Variants in EVA1C observed in about 807,000 individuals in gnomAD.
EVA1C encodes eva-1 homolog C.
Under a neutral mutation model 45.4 loss-of-function variants are expected in EVA1C, and 25 were observed. That is an observed-to-expected ratio of 0.55 (90% CI 0.40 to 0.77). EVA1C has a LOEUF of 0.77. EVA1C is among the 30% of genes least tolerant of loss of function. EVA1C has a pLI of 0.00. For synonymous variants in EVA1C, 190 were observed against 221.2 expected (o/e 0.86, Z 1.25); for missense variants, 479 against 554.8 (o/e 0.86, Z 1.37).
At chr21:32,502,014 TTCTTTC>T (rs1356221549) in intron 6 of EVA1C, among the ~76,000 whole-genome samples, 1 of 139,712 alleles carries the variant, frequency 7.2e-6, no homozygotes, top group Non-Finnish European at 1.5e-5. Flanking sequence ...CTTTCTTTCT[TTCTTTC>T]TTTCTTTCTT....
chr21:32,477,318 G>A (rs2036603061), intron 4 of EVA1C, among the ~76,000 whole-genome samples: 1 of 152,088 alleles, frequency 6.6e-6, no homozygotes, highest in Non-Finnish European at 1.5e-5. Flanking sequence ...CACCCCCACA[G>A]TTTGAGGATT....
chr21:32,426,409 C>T (rs1052664806), intron 1 of EVA1C, among the ~76,000 whole-genome samples: 6 of 151,810 alleles, frequency 4.0e-5, no homozygotes, highest in African/African-American at 7.3e-5. Flanking sequence ...GAGAAAGTCA[C>T]GAAGATAGTG....
intron 4 of EVA1C, among the ~76,000 whole-genome samples, chr21:32,488,706 C>T (rs1472895880): frequency 2.0e-5 from 3 of 152,096 alleles, no homozygotes; most frequent in Non-Finnish European, 4.4e-5. Context: ...CTGCTTCAGC[C>T]TCCCTAGTAG....
intron 4 of EVA1C, among the ~76,000 whole-genome samples, chr21:32,482,833 G>A (rs2036834889): frequency 6.6e-6 from 1 of 151,166 alleles, no homozygotes; most frequent in Non-Finnish European, 1.5e-5. Context: ...TTTGGGGGTG[G>A]TCACATCCCA....
intron 1 of EVA1C, among the ~76,000 whole-genome samples, chr21:32,446,071 C>A (rs182094870): frequency 6.6e-6 from 1 of 152,020 alleles, no homozygotes; most frequent in South Asian, 2.1e-4. Context: ...TGGTGAAACC[C>A]CGTCTCTACT....
At chr21:32,441,111 G>T (rs539441356) in intron 1 of EVA1C, among the ~76,000 whole-genome samples, 2 of 152,214 alleles carry the variant, frequency 1.3e-5, no homozygotes, top group Admixed American at 6.5e-5. Context: ...TCAAAAAAAA[G>T]AACTCTTCAT....
chr21:32,426,978 T>C (rs1301790900), intron 1 of EVA1C, among the ~76,000 whole-genome samples: 1 of 152,170 alleles, frequency 6.6e-6, no homozygotes, highest in Non-Finnish European at 1.5e-5. Flanking sequence ...AAAGGTCTAT[T>C]GTGTGGCTCT....
chr21:32,481,574 A>C (rs1191203887), intron 4 of EVA1C, among the ~76,000 whole-genome samples: 2 of 151,848 alleles, frequency 1.3e-5, no homozygotes, highest in Non-Finnish European at 2.9e-5. Context: ...ACTTTTCATG[A>C]CCTCTGGGAC....
At chr21:32,419,962 C>T (rs192431885) in intron 1 of EVA1C, among the ~76,000 whole-genome samples, 1 of 152,202 alleles carries the variant, frequency 6.6e-6, no homozygotes, top group East Asian at 1.9e-4. Context: ...GAAAAAGAAT[C>T]TTGGGTTGGA....
chr21:32,507,670 ATGTG>A (rs1030695649), intron 7 of EVA1C, among the ~76,000 whole-genome samples: 2 of 144,820 alleles, frequency 1.4e-5, no homozygotes, highest in South Asian at 2.2e-4. Flanking sequence ...GTGTGCATGC[ATGTG>A]TATCTGTGTG....
intron 1 of EVA1C, among the ~76,000 whole-genome samples, chr21:32,416,397 C>T (rs565662051): frequency 1.4e-5 from 2 of 147,220 alleles, no homozygotes; most frequent in East Asian, 4.0e-4. Flanking sequence ...GGTACAGTCT[C>T]GGCTCACTGC....
chr21:32,456,745 C>T (rs1328445132), intron 2 of EVA1C, among the ~76,000 whole-genome samples: 1 of 152,126 alleles, frequency 6.6e-6, no homozygotes, highest in Non-Finnish European at 1.5e-5. Context: ...GACCCAAGTT[C>T]AGGACCTCTG....
At chr21:32,441,588 A>G (rs1228533971) in intron 1 of EVA1C, among the ~76,000 whole-genome samples, 1 of 104,102 alleles carries the variant, frequency 9.6e-6, no homozygotes, top group Non-Finnish European at 1.8e-5. Context: ...AACCCATACA[A>G]TGGTACAATG....
chr21:32,420,808 A>G (rs972913034), intron 1 of EVA1C, among the ~76,000 whole-genome samples: 2 of 152,246 alleles, frequency 1.3e-5, no homozygotes, highest in African/African-American at 4.8e-5. Flanking sequence ...GCTAGTATAA[A>G]AAGTTCAAGA....
chr21:32,502,040 C>CTTTTCTTTCT (rs199554254), intron 6 of EVA1C, among the ~76,000 whole-genome samples: 1 of 101,558 alleles, frequency 9.8e-6, no homozygotes, highest in African/African-American at 3.9e-5. Context: ...TTCTTTCTTT[C>CTTTTCTTTCT]TTTCTTTCTT....
intron 1 of EVA1C, among the ~76,000 whole-genome samples, chr21:32,437,158 TCAAAA>T (rs776137732): frequency 2.1e-5 from 3 of 144,148 alleles, no homozygotes; most frequent in Non-Finnish European, 4.6e-5. Context: ...AGACTCTTTC[TCAAAA>T]CAAAACAAAA....
chr21:32,450,274 G>C (rs2146237550), intron 1 of EVA1C, among the ~76,000 whole-genome samples: 1 of 146,646 alleles, frequency 6.8e-6, no homozygotes, highest in African/African-American at 2.4e-5. Flanking sequence ...CGCAGCAAAA[G>C]TTTCATTCCC....
chr21:32,477,521 C>T (rs943731300), intron 4 of EVA1C, among the ~76,000 whole-genome samples: 4 of 152,092 alleles, frequency 2.6e-5, no homozygotes, highest in African/African-American at 9.7e-5. Flanking sequence ...GCTGGGGCTG[C>T]AGTCCCCTGA....
chr21:32,433,480 C>T (rs969288588), intron 1 of EVA1C, among the ~76,000 whole-genome samples: 1 of 152,150 alleles, frequency 6.6e-6, no homozygotes, highest in African/African-American at 2.4e-5. Context: ...CAGGATGTGT[C>T]ACTCCCTCGT....
Sources: gnomAD v4.1 joint callset for allele counts (sites outside exome capture counted in the v4.1 genomes callset) on GRCh38, gnomAD v4.1.1 for gene constraint, MANE v1.5 for transcripts, NCBI Gene and HGNC (gene_info 2026-07-23, HGNC 2026-07-21) for gene names.